Variants in FAT3 observed in about 807,000 individuals in gnomAD.
The protein encoded by FAT3 is FAT atypical cadherin 3.
FAT3 carries 95 observed loss-of-function variants against 310.2 expected under a neutral mutation model. The ratio of observed to expected loss-of-function variants is 0.31; its 90% CI spans 0.26 to 0.36. The LOEUF is 0.36. Among genes scored for constraint, FAT3 ranks in the 10% least tolerant of loss-of-function variants. The pLI is 1.00. For synonymous variants in FAT3, 2,314 were observed against 2,192.9 expected (o/e 1.06, Z -1.54); for missense variants, 5,408 against 5,715.6 (o/e 0.95, Z 1.74).
At chr11:92,739,773 C>G (rs1448477954) in intron 4 of FAT3, among the ~76,000 whole-genome samples, 1 of 152,180 alleles carries the variant, frequency 6.6e-6, no homozygotes, top group Non-Finnish European at 1.5e-5. Context: ...TGCTGCCTGT[C>G]ACATACTCTG....
intron 2 of FAT3, among the ~76,000 whole-genome samples, chr11:92,375,790 A>G (rs1949325969): frequency 1.3e-5 from 2 of 152,146 alleles, no homozygotes; most frequent in Non-Finnish European, 2.9e-5. Context: ...ATGTTTGGTG[A>G]CCATCCTTTA....
chr11:92,721,889 T>C (rs1482749202), intron 4 of FAT3, among the ~76,000 whole-genome samples: 2 of 152,134 alleles, frequency 1.3e-5, no homozygotes, highest in East Asian at 3.9e-4. Context: ...ATGAAACTTA[T>C]TCACTATTAT....
intron 2 of FAT3, among the ~76,000 whole-genome samples, chr11:92,415,805 A>G (rs1000444537): frequency 1.4e-5 from 2 of 146,404 alleles, no homozygotes; most frequent in Non-Finnish European, 3.0e-5. Flanking sequence ...TGTGTGAATA[A>G]TTGTATTAGA....
At chr11:92,782,730 T>G (rs1946785755) in intron 7 of FAT3, among the ~76,000 whole-genome samples, 1 of 152,094 alleles carries the variant, frequency 6.6e-6, no homozygotes, top group African/African-American at 2.4e-5. Context: ...ACGACCTTCA[T>G]GTATTGGGGC....
intron 4 of FAT3, among the ~76,000 whole-genome samples, chr11:92,728,280 G>A (rs1591654890): frequency 6.6e-6 from 1 of 152,086 alleles, no homozygotes; most frequent in South Asian, 2.1e-4. Flanking sequence ...GTGGAGCAGG[G>A]CTACCCCACA....
At chr11:92,742,614 G>GGATAAAAA (rs1945539386) in intron 4 of FAT3, among the ~76,000 whole-genome samples, 1 of 152,128 alleles carries the variant, frequency 6.6e-6, no homozygotes, top group Non-Finnish European at 1.5e-5. Context: ...TCTCAGGAGT[G>GGATAAAAA]GGTTCTGGAT....
chr11:92,371,732 C>CA (rs757031174), intron 2 of FAT3, among the ~76,000 whole-genome samples: 1 of 152,026 alleles, frequency 6.6e-6, no homozygotes, highest in African/African-American at 2.4e-5. Flanking sequence ...CCCTGCCCCG[C>CA]AAATGGAGGC....
intron 1 of FAT3, among the ~76,000 whole-genome samples, chr11:92,283,233 A>G (rs900447674): frequency 1.3e-5 from 2 of 152,196 alleles, no homozygotes; most frequent in Non-Finnish European, 2.9e-5. Flanking sequence ...CTAAAACAAA[A>G]TAAAATCTGA....
chr11:92,867,545 C>T (rs1006045178), intron 22 of FAT3, among the ~76,000 whole-genome samples: 2 of 152,118 alleles, frequency 1.3e-5, no homozygotes, highest in Non-Finnish European at 2.9e-5. Flanking sequence ...TTAAATATGC[C>T]CTCATGAGCC....
intron 2 of FAT3, among the ~76,000 whole-genome samples, chr11:92,427,408 G>A (rs769066056): frequency 1.3e-5 from 2 of 152,116 alleles, no homozygotes; most frequent in Non-Finnish European, 2.9e-5. Flanking sequence ...ATACTATGTT[G>A]AATAGGAGTA....
At chr11:92,305,864 A>T (rs191938101) in intron 1 of FAT3, among the ~76,000 whole-genome samples, 30 of 152,300 alleles carry the variant, frequency 2.0e-4, no homozygotes, top group Middle Eastern at 3.4e-3. Flanking sequence ...TCCTGAATTG[A>T]ATTCTAGACC....
chr11:92,348,609 CA>C (rs905407098), intron 1 of FAT3, among the ~76,000 whole-genome samples: 1 of 152,096 alleles, frequency 6.6e-6, no homozygotes, highest in Non-Finnish European at 1.5e-5. Flanking sequence ...TGATAAACCA[CA>C]GCTCTAAAAT....
intron 2 of FAT3, among the ~76,000 whole-genome samples, chr11:92,369,712 T>A (rs1949133143): frequency 6.6e-6 from 1 of 152,022 alleles, no homozygotes; most frequent in Non-Finnish European, 1.5e-5. Context: ...CTAGGTATGG[T>A]AGCACACGCC....
chr11:92,349,595 C>A (rs1387188249), intron 1 of FAT3, among the ~76,000 whole-genome samples: 2 of 152,160 alleles, frequency 1.3e-5, no homozygotes, highest in Non-Finnish European at 2.9e-5. Context: ...TTTGAAATGA[C>A]CAGCAGCCCA....
At chr11:92,437,190 A>T (rs1950958657) in intron 2 of FAT3, among the ~76,000 whole-genome samples, 1 of 152,318 alleles carries the variant, frequency 6.6e-6, no homozygotes, top group East Asian at 1.9e-4. Flanking sequence ...CTTTTGAAGG[A>T]TGCAAGGGGC....
In FAT3 at chr11:92,835,049, A is replaced by T; in HGVS notation, c.10051A>T (p.Ser3351Cys). 6.2e-7 allele frequency: 1 copy of T among 1,613,414 alleles called. No homozygotes were observed. ...CCAAGACGTCTACAGTGCGGTTATCAGTGAAGACGCCTTGGTGGGAGACTC... is the reference window on the plus strand; with the variant it reads ...CCAAGACGTCTACAGTGCGGTTATCTGTGAAGACGCCTTGGTGGGAGACTC... ...FSQDVYSAVI[S>C]EDALVGDSVI... is the part of the protein sequence containing the mutation. Residue 3351 changes from serine (S) to cysteine (C), a missense_variant, in exon 15 of 28, where the codon AGT (serine) becomes TGT (cysteine). Physicochemically the swap from Ser to Cys is moderately radical, Grantham distance 112 (BLOSUM62 -1). Around this residue, in one of 5 missense-constraint regions of FAT3, gnomAD observed 4,588 missense variants for 4,809.8 expected, o/e 0.95. Coordinates refer to ENST00000525166, the MANE Select transcript of FAT3 (RefSeq NM_001367949.2).
intron 7 of FAT3, among the ~76,000 whole-genome samples, chr11:92,779,887 T>C (rs1042697939): frequency 6.6e-6 from 1 of 152,130 alleles, no homozygotes; most frequent in Admixed American, 6.5e-5. Flanking sequence ...AATTTGAATA[T>C]GAAAGCAGCA....
chr11:92,284,302 C>T (rs1477556294), intron 1 of FAT3, among the ~76,000 whole-genome samples: 1 of 151,292 alleles, frequency 6.6e-6, no homozygotes, highest in Non-Finnish European at 1.5e-5. Flanking sequence ...GGAGTGTTTC[C>T]GTTTGGGTAG....
chr11:92,428,394 G>A (rs1485870125), intron 2 of FAT3, among the ~76,000 whole-genome samples: 1 of 149,766 alleles, frequency 6.7e-6, no homozygotes, highest in Admixed American at 6.6e-5. Flanking sequence ...GTTCTGCTCT[G>A]ATCTTGGTTA....
Sources: allele counts gnomAD v4.1 joint callset (sites outside exome capture counted in the v4.1 genomes callset), GRCh38; gene constraint gnomAD v4.1.1; regional missense constraint gnomAD v4.1.1; transcripts MANE v1.5; gene names NCBI Gene and HGNC (gene_info 2026-07-23, HGNC 2026-07-21).